CEP70: variants seen among roughly 807,000 people sequenced by gnomAD.
CEP70 encodes the protein centrosomal protein of 70 kDa.
In CEP70, 70 loss-of-function variants were observed where a neutral mutation model predicts 90.9. That is an observed-to-expected ratio of 0.77 (90% CI 0.64 to 0.94). The LOEUF (loss-of-function observed/expected upper bound fraction) is 0.94, where lower values mean the gene tolerates loss of function less well. CEP70 is among the 40% of genes least tolerant of loss of function. The pLI, the probability that CEP70 is intolerant of heterozygous loss-of-function variation, is 0.00. For missense variants in CEP70, 648 were observed against 669.0 expected (o/e 0.97, Z 0.35); for synonymous variants, 220 against 228.3 (o/e 0.96, Z 0.33).
rs75337539 is a variant in CEP70, at chr3:138,514,202, T to C, written c.945-5658A>G. 1.2e-3 allele frequency among the ~76,000 whole-genome samples: 179 copies of C among 152,340 alleles called. 3 individuals carry two copies. In the East Asian group the frequency reaches 0.022, roughly 18 times the overall value. On this transcript the variant is annotated intron_variant, in intron 11 of 17. Transcript: ENST00000264982. Reference sequence around the variant, plus strand: ...GTGAACATCTCGGAAGATGGTACCTTGTTTCCCTGTCTCTGTTGGAATTTC... The same window carrying C: ...GTGAACATCTCGGAAGATGGTACCTCGTTTCCCTGTCTCTGTTGGAATTTC...
chr3:138,570,910 AC>A (rs1246714813), intron 5 of CEP70, 123 bp downstream of exon 5: 1 of 778,610 alleles, frequency 1.3e-6, no homozygotes, highest in Admixed American at 3.5e-5. Context: ...AATTTTACCT[AC>A]AAAAATATTT....
At chr3:138,551,311 C>T (rs1251982547) in intron 6 of CEP70, among the ~76,000 whole-genome samples, 1 of 152,158 alleles carries the variant, frequency 6.6e-6, no homozygotes, top group East Asian at 1.9e-4. Flanking sequence ...CAAACAAATG[C>T]TGAGAGAATT....
intron 16 of CEP70, among the ~76,000 whole-genome samples, chr3:138,499,707 C>G (rs763170770): frequency 4.6e-5 from 7 of 151,990 alleles, no homozygotes; most frequent in Non-Finnish European, 1.0e-4. Context: ...GAGGCCAAGG[C>G]AGGCGGATCA....
rs773577268 is a variant in CEP70, at chr3:138,498,017, A to C, written c.1732+14T>G. 6.2e-7 allele frequency: 1 copy of C among 1,611,916 alleles called. No individual in the cohort carries two copies. Among genetic ancestry groups the C allele is most frequent in the South Asian group, 1.1e-5 (1 of 90,568 alleles). On this transcript the variant is annotated intron_variant, in intron 17 of 17. Transcript: ENST00000264982. ...TAAGACTCAAAATTTCACCATCACC[A>C]CCAGAGATCTTACCTAAGATTTCAA...
intron 11 of CEP70, among the ~76,000 whole-genome samples, chr3:138,519,371 A>G (rs1560314230): frequency 6.6e-6 from 1 of 152,178 alleles, no homozygotes; most frequent in South Asian, 2.1e-4. Context: ...ACTCCAAGAC[A>G]CATAATTGTC....
At chr3:138,593,147 C>T (rs1265964050) in intron 1 of CEP70, 1 of 152,224 alleles carries the variant, frequency 6.6e-6, no homozygotes, top group Non-Finnish European at 1.5e-5. Flanking sequence ...CCAGAGTCTA[C>T]TTGGCAATAT....
At chr3:138,575,689 G>C (rs1055245017) in intron 2 of CEP70, among the ~76,000 whole-genome samples, 1 of 152,124 alleles carries the variant, frequency 6.6e-6, no homozygotes. Flanking sequence ...AAATGTTAAG[G>C]GCAGCCAGAG....
rs758076856 is a variant in CEP70 at position 138,532,572 on chromosome 3, T to C, written c.636-2A>G. ...TAGTAATCAATTAGACAAAGCAACCTAGAAAACAGAATATTGAATTATTTT... is the reference window on the plus strand; with the variant it reads ...TAGTAATCAATTAGACAAAGCAACCCAGAAAACAGAATATTGAATTATTTT... On this transcript the variant is annotated splice_acceptor_variant, in intron 7 of 17. Coordinates refer to ENST00000264982, the MANE Select transcript of CEP70 (RefSeq NM_024491.4). LOFTEE classifies it high-confidence loss of function. The C allele has an allele frequency of 6.0e-6, 9 of 1,488,126 alleles. No homozygotes were observed. The highest frequency in any genetic ancestry group is 5.2e-5 in the East Asian group (2 of 38,790). 92.2% of individuals were successfully genotyped at this position (1,488,126 alleles called of 1,614,324 possible). A position where few individuals can be genotyped will look rare whatever the true frequency, so the allele number is the denominator to read the frequency against.
At position 138,494,720 on chromosome 3, in the gene CEP70, G is replaced by T; in HGVS notation, c.*295C>A. The stretch of plus-strand genomic sequence containing the variant: ...TACTACTTGCAATCTGTCTCCCTGG[G>T]CTCCTCTTTTACTCACAAACTCCAC... On this transcript the variant is annotated 3_prime_UTR_variant, in exon 18 of 18. Coordinates refer to ENST00000264982, the MANE Select transcript of CEP70 (RefSeq NM_024491.4). 1 of 215,078 alleles carries T rather than the reference G, an allele frequency of 4.6e-6. No individual in the cohort carries two copies. The highest frequency in any genetic ancestry group is 9.1e-5 in the South Asian group (1 of 10,932). The allele number at this position is 215,078 out of a possible 1,614,324, so 13.3% of individuals were successfully genotyped here.
intron 6 of CEP70, among the ~76,000 whole-genome samples, chr3:138,562,473 A>C (rs956830772): frequency 2.0e-5 from 3 of 152,220 alleles, no homozygotes; most frequent in African/African-American, 7.2e-5. Flanking sequence ...GGTTGGGGTT[A>C]CCCACAAAGG....
Position 138,562,321 on chromosome 3 carries a change from T to C in CEP70, c.465+7997A>G, listed in dbSNP as rs149917874. 2.9e-3 allele frequency among the ~76,000 whole-genome samples: 439 copies of C among 152,058 alleles called. 4 individuals are homozygous for C. The highest frequency in any genetic ancestry group is 0.01 in the African/African-American group (423 of 41,486). On this transcript the variant is annotated intron_variant, in intron 6 of 17. Transcript: ENST00000264982. ...GTAGAACTTCCCTAACCTAGCAATA[T>C]TATAGGCCAACATTCAAGTTCAGAA...
At chr3:138,500,948 A>T (rs988202300) in intron 13 of CEP70, 67 bp from the exon 14 acceptor site, 5 of 652,774 alleles carry the variant, frequency 7.7e-6, no homozygotes, top group Non-Finnish European at 1.1e-5. Flanking sequence ...ATAATAGAAC[A>T]TAATTAGTAA....
At chr3:138,520,542 C>T (rs538479830) in intron 11 of CEP70, among the ~76,000 whole-genome samples, 67 of 152,280 alleles carry the variant, frequency 4.4e-4, no homozygotes, top group African/African-American at 1.6e-3. Flanking sequence ...CTCAAAACCA[C>T]TCAACTACAT....
intron 6 of CEP70, among the ~76,000 whole-genome samples, chr3:138,540,519 A>G (rs1208530616): frequency 6.6e-6 from 1 of 151,768 alleles, no homozygotes; most frequent in Non-Finnish European, 1.5e-5. Flanking sequence ...ACTGATCATT[A>G]GAGAAATGCA....
chr3:138,560,231 G>T (rs1021611935), intron 6 of CEP70, among the ~76,000 whole-genome samples: 2 of 152,190 alleles, frequency 1.3e-5, no homozygotes, highest in African/African-American at 4.8e-5. Flanking sequence ...GGAGGGTGGG[G>T]TGTTGCCTCA....
intron 16 of CEP70, among the ~76,000 whole-genome samples, chr3:138,498,535 C>T (rs1290668649): frequency 2.0e-5 from 3 of 151,364 alleles, no homozygotes; most frequent in Non-Finnish European, 4.4e-5. Context: ...GGGGTTTCAC[C>T]GTGTTAGCCA....
rs376279408 is a variant in CEP70, at chr3:138,530,506, A to AAAC, written c.693-1047_693-1045dup. The AAAC allele has an allele frequency of 1.2e-3, 915 of 789,376 alleles. 4 individuals are homozygous for AAAC. The African/African-American group carries it at 0.016, about 14-fold the overall frequency. The allele number at this position is 789,376 out of a possible 1,614,324, so 48.9% of individuals were successfully genotyped here. On this transcript the variant is annotated intron_variant, in intron 8 of 17. Transcript: ENST00000264982. ...ACATGTGCATATAGTCTGATGATAA[A>AAAC]AACAACAACAACAACAAAAAACTTC...
At position 138,529,079 on chromosome 3, in the gene CEP70, T is replaced by C. The variant is rs147306386; in HGVS notation, c.869+120A>G. On this transcript the variant is annotated intron_variant, in intron 10 of 17. Transcript: ENST00000264982. The stretch of plus-strand genomic sequence containing the variant: ...TACTTAAGAGGCTGAAGTGGAAAGA[T>C]TGCTTGAGCCCTGGAGGTCAAGGCT... The C allele has an allele frequency of 1.6e-3, 963 of 598,946 alleles. 6 individuals are homozygous for C. The African/African-American group carries it at 0.017, about 10-fold the overall frequency. 37.1% of individuals were successfully genotyped at this position (598,946 alleles called of 1,614,324 possible).
chr3:138,519,650 C>A (rs1262918499), intron 11 of CEP70, among the ~76,000 whole-genome samples: 1 of 152,154 alleles, frequency 6.6e-6, no homozygotes, highest in South Asian at 2.1e-4. Context: ...TTTGTCACCA[C>A]CAGGCCTGTC....
Sources: gnomAD v4.1 joint callset for allele counts (sites outside exome capture counted in the v4.1 genomes callset) on GRCh38, gnomAD v4.1.1 for gene constraint, MANE v1.5 for transcripts, NCBI Gene and HGNC (gene_info 2026-07-23, HGNC 2026-07-21) for gene names.